Variants in PHKG2 observed in about 807,000 individuals in gnomAD.
PHKG2 encodes phosphorylase kinase catalytic subunit gamma 2.
A neutral mutation model predicts 44.5 loss-of-function variants in PHKG2; 28 were observed. That is an observed-to-expected ratio of 0.63 (90% CI 0.47 to 0.86). The LOEUF (loss-of-function observed/expected upper bound fraction) is 0.86, where lower values mean the gene tolerates loss of function less well. PHKG2 is among the 40% of genes least tolerant of loss of function. The pLI is 0.00. For missense variants in PHKG2, 498 were observed against 547.5 expected, an observed-to-expected ratio of 0.91 and a Z score of 0.90; for synonymous variants, 220 against 211.2, an observed-to-expected ratio of 1.04 and a Z score of -0.36.
rs2053478106 is a variant in PHKG2, at chr16:30,757,750, C to T, written c.*653C>T. On this transcript the variant is annotated 3_prime_UTR_variant, in exon 10 of 10. Transcript: ENST00000563588. Reference sequence around the variant, plus strand: ...TGGGCAAACAGTCCCCAAATTTCCCCTGGTGGGGATATAGAGGTAGCAATG... The same window carrying T: ...TGGGCAAACAGTCCCCAAATTTCCCTTGGTGGGGATATAGAGGTAGCAATG... The T allele has an allele frequency of 2.0e-6, 3 of 1,486,300 alleles. No individual in the cohort carries two copies. The East Asian group carries it at 7.0e-5, about 35-fold the overall frequency. The allele number at this position is 1,486,300 out of a possible 1,614,324, so 92.1% of individuals were successfully genotyped here.
chr16:30,749,106 CTGCTGGTGG>C lies in PHKG2; in HGVS notation c.95+200_95+208del, dbSNP rs1220067415. Among the ~76,000 whole-genome samples the C allele has an allele frequency of 5.9e-5, 3 of 50,528 alleles. 1 individual carries two copies. Among genetic ancestry groups the C allele is most frequent in the African/African-American group, 3.9e-4 (3 of 7,788 alleles). 33.1% of individuals were successfully genotyped at this position (50,528 alleles called of 152,430 possible). On this transcript the variant is annotated intron_variant, in intron 2 of 9. Coordinates refer to ENST00000563588, the MANE Select transcript of PHKG2 (RefSeq NM_000294.3). The stretch of plus-strand genomic sequence containing the variant: ...GGTGGTGGTGCTGCTGCTGCTGCTG[CTGCTGGTGG>C]TGCTGGTGCTGGTGGTGGTGGTGCT...
intron 6 of PHKG2, among the ~76,000 whole-genome samples, chr16:30,755,937 G>A (rs1480836889): frequency 6.6e-6 from 1 of 152,138 alleles, no homozygotes; most frequent in Non-Finnish European, 1.5e-5. Context: ...CAAATGATAT[G>A]GTGGAACAAG....
At position 30,760,839 on chromosome 16, in the gene PHKG2, T is replaced by C. The variant is rs909661514; in HGVS notation, c.*3742T>C. ...CTCTCTGGGCCTAAATGAACTCTTA[T>C]GAGCCTCTCCATTTCTAAAGCCTAG... On this transcript the variant is annotated 3_prime_UTR_variant, in exon 10 of 10. Transcript: ENST00000563588. 7.6e-6 allele frequency: 5 copies of C among 654,936 alleles called. No individual in the cohort carries two copies. The highest frequency in any genetic ancestry group is 5.4e-5 in the African/African-American group (3 of 55,576). 40.6% of individuals were successfully genotyped at this position (654,936 alleles called of 1,614,324 possible).
Position 30,753,558 on chromosome 16 carries a change from G to C in PHKG2, c.556+1G>C. 1 of 1,614,074 alleles carries C rather than the reference G, an allele frequency of 6.2e-7. No individual in the cohort carries two copies. The highest frequency in any genetic ancestry group is 1.3e-5 in the African/African-American group (1 of 75,058). ...TTGGAACCTGGCGAGAAGCTTCGAG[G>C]TGAGGGGATCTAGTGCCCTAATAGG... is the stretch of plus-strand genomic sequence containing the variant. On this transcript the variant is annotated splice_donor_variant, in intron 6 of 9. Transcript: ENST00000563588. LOFTEE classifies it high-confidence loss of function.
chr16:30,754,367 T>G (rs543138440), intron 6 of PHKG2, among the ~76,000 whole-genome samples: 1 of 152,238 alleles, frequency 6.6e-6, no homozygotes, highest in East Asian at 1.9e-4. Context: ...AATTTCACAA[T>G]GTTGGCCAGG....
rs1037488583 is a variant in PHKG2, at chr16:30,757,334, A to G, written c.*237A>G. ...CCGGTCAGTGCTGCATGCACTGCAT[A>G]TGAAATAAAATCTGCTACACGCCAG... On this transcript the variant is annotated 3_prime_UTR_variant, in exon 10 of 10. Transcript: ENST00000563588. The G allele has an allele frequency of 8.5e-6, 13 of 1,528,810 alleles. No homozygotes were observed. In the African/African-American group the frequency reaches 1.5e-4, roughly 18 times the overall value. 94.7% of individuals were successfully genotyped at this position (1,528,810 alleles called of 1,614,324 possible).
In PHKG2 at chr16:30,759,363, A is replaced by G. The variant is rs771368044; in HGVS notation, c.*2266A>G. The G allele has an allele frequency of 6.2e-7, 1 of 1,614,202 alleles. No homozygotes were observed. Among genetic ancestry groups the G allele is most frequent in the South Asian group, 1.1e-5 (1 of 91,078 alleles). ...CTACCTGGGGTGTGAAGACGTATTT[A>G]TAGAGCTTGAAGTGGCGGAAGTAAG... On this transcript the variant is annotated 3_prime_UTR_variant, in exon 10 of 10. Transcript: ENST00000563588.
In PHKG2 at chr16:30,753,559, T is replaced by TGA. The variant is rs767789467; in HGVS notation, c.556+4_556+5dup. 85 of 1,613,642 alleles carry TGA rather than the reference T, an allele frequency of 5.3e-5. No homozygotes were observed. In the East Asian group the frequency reaches 6.9e-4, roughly 13 times the overall value. On this transcript the variant is annotated splice_region_variant and intron_variant, in intron 6 of 9. Coordinates refer to ENST00000563588, the MANE Select transcript of PHKG2 (RefSeq NM_000294.3). ...TGGAACCTGGCGAGAAGCTTCGAGG[T>TGA]GAGGGGATCTAGTGCCCTAATAGGC...
In PHKG2 at chr16:30,748,556, C is replaced by T. The variant is rs769376128; in HGVS notation, c.-19+66C>T. ...CCGAATGCGCCTGCGCGGCAACAGC[C>T]GCCTGCCCTTGCGCCCCTTCCCCCT... On this transcript the variant is annotated intron_variant, in intron 1 of 9. Coordinates refer to ENST00000563588, the MANE Select transcript of PHKG2 (RefSeq NM_000294.3). 1,524 of 545,478 alleles carry T rather than the reference C, an allele frequency of 2.8e-3. 5 individuals are homozygous for T. Among genetic ancestry groups the T allele is most frequent in the Non-Finnish European group, 2.3e-3 (692 of 306,446 alleles). The allele number at this position is 545,478 out of a possible 1,614,324, so 33.8% of individuals were successfully genotyped here.
At chr16:30,753,602 G>A (rs1401486177) in intron 6 of PHKG2, 45 bp downstream of exon 6, 6 of 1,585,630 alleles carry the variant, frequency 3.8e-6, no homozygotes, top group Non-Finnish European at 5.2e-6. Flanking sequence ...GGGAGACCCA[G>A]GCCTGATGAG....
intron 6 of PHKG2, 28 bp from the exon 7 acceptor site, chr16:30,756,154 C>T: frequency 6.4e-7 from 1 of 1,557,364 alleles, no homozygotes; most frequent in Non-Finnish European, 8.9e-7. Flanking sequence ...CTGGTGGCAT[C>T]CCCTCAATCT....
intron 2 of PHKG2, among the ~76,000 whole-genome samples, chr16:30,749,590 C>T (rs1411676917): frequency 6.6e-6 from 1 of 151,802 alleles, no homozygotes; most frequent in Non-Finnish European, 1.5e-5. Flanking sequence ...GTGATCTGCC[C>T]GCCTCAGCCT....
In PHKG2 at chr16:30,756,652, C is replaced by T. The variant is rs1336288802; in HGVS notation, c.864C>T (p.His288=). The change falls in exon 9 of 10, where the codon CAC becomes CAT. Residue 288 remains histidine, a synonymous_variant. Transcript: ENST00000563588. The part of the protein sequence containing the change: ...ARLTAEQALQ[H]PFFERCEGSQ... ...TGACAGCTGAGCAGGCCCTACAGCA[C>T]CCCTTCTTTGAGCGTTGTGAAGGCA... 5.0e-6 allele frequency: 8 copies of T among 1,613,958 alleles called. No homozygotes were observed. Among genetic ancestry groups the T allele is most frequent in the Non-Finnish European group, 6.8e-6 (8 of 1,180,040 alleles).
At chr16:30,750,907 G>A (rs2053335348) in intron 2 of PHKG2, among the ~76,000 whole-genome samples, 199 bp from the exon 3 acceptor site, 1 of 152,236 alleles carries the variant, frequency 6.6e-6, no homozygotes, top group Non-Finnish European at 1.5e-5. Context: ...CCTTCCCTGT[G>A]AGCTTTGTGT....
In PHKG2 at chr16:30,759,641, C is replaced by T. The variant is rs2053603649; in HGVS notation, c.*2544C>T. ...GATGGGTAAAGTTTCCAGAATGTTC[C>T]AGGGGAACTGACCCTGACTCCATGG... On this transcript the variant is annotated 3_prime_UTR_variant, in exon 10 of 10. Transcript: ENST00000563588. The T allele has an allele frequency of 6.2e-7, 1 of 1,613,896 alleles. No homozygotes were observed. Among genetic ancestry groups the T allele is most frequent in the African/African-American group, 1.3e-5 (1 of 74,910 alleles).
chr16:30,760,914 C>T lies in PHKG2; in HGVS notation c.*3817C>T. On this transcript the variant is annotated 3_prime_UTR_variant, in exon 10 of 10. Transcript: ENST00000563588. Reference sequence around the variant, plus strand: ...TCTGCTCTGCCACTACCTTGTATGACCTTGGTCAAGTACTCCCTGTGGCCC... The same window carrying T: ...TCTGCTCTGCCACTACCTTGTATGATCTTGGTCAAGTACTCCCTGTGGCCC... 1 of 614,576 alleles carries T rather than the reference C, an allele frequency of 1.6e-6. No individual in the cohort carries two copies. Among genetic ancestry groups the T allele is most frequent in the Non-Finnish European group, 2.9e-6 (1 of 348,298 alleles). 38.1% of individuals were successfully genotyped at this position (614,576 alleles called of 1,614,324 possible). A position where few individuals can be genotyped will look rare whatever the true frequency, so the allele number is the denominator to read the frequency against.
At position 30,756,579 on chromosome 16, in the gene PHKG2, G is replaced by C. The variant is rs550340918; in HGVS notation, c.802-11G>C. The C allele has an allele frequency of 1.9e-5, 31 of 1,613,578 alleles. No homozygotes were observed. The highest frequency in any genetic ancestry group is 3.3e-5 in the Admixed American group (2 of 60,018). On this transcript the variant is annotated splice_polypyrimidine_tract_variant and intron_variant, in intron 8 of 9. Coordinates refer to ENST00000563588, the MANE Select transcript of PHKG2 (RefSeq NM_000294.3). ...CCAAGAGCTGCCCCTCATGCTCTGGGTCTCTCCTAGATCTCCAGGCTGCTG... is the reference window on the plus strand; with the variant it reads ...CCAAGAGCTGCCCCTCATGCTCTGGCTCTCTCCTAGATCTCCAGGCTGCTG...
Position 30,751,275 on chromosome 16 carries a change from C to T in PHKG2, c.265C>T (p.His89Tyr). ...CCTTCGCCAGGTCGCCGGCCACCCC[C>T]ACATCAGTGAGGCTGTCTTCCTTGC... ...HILRQVAGHP[H>Y]IITLIDSYES... Residue 89 changes from histidine to tyrosine, a missense_variant, in exon 3 of 10, where the codon CAC (histidine) becomes TAC (tyrosine). By Grantham distance (83) the His-to-Tyr change is moderately conservative. Coordinates refer to ENST00000563588, the MANE Select transcript of PHKG2 (RefSeq NM_000294.3). 6.2e-7 allele frequency: 1 copy of T among 1,609,448 alleles called. No homozygotes were observed.
At chr16:30,752,045 A>G (rs1289957606) in intron 4 of PHKG2, 3 of 263,442 alleles carry the variant, frequency 1.1e-5, no homozygotes, top group African/African-American at 6.8e-5. Context: ...GTGAGCCCAG[A>G]TTGCGCCACT....
Sources: gnomAD v4.1 joint callset for allele counts (sites outside exome capture counted in the v4.1 genomes callset) on GRCh38, gnomAD v4.1.1 for gene constraint, MANE v1.5 for transcripts, NCBI Gene and HGNC (gene_info 2026-07-23, HGNC 2026-07-21) for gene names.